The following RALGAPA2 variants were observed in gnomAD, a reference collection of about 807,000 sequenced individuals.
RALGAPA2 encodes the protein Ral GTPase activating protein catalytic subunit alpha 2.
A neutral mutation model predicts 230.4 loss-of-function variants in RALGAPA2; 139 were observed. That is an observed-to-expected ratio of 0.60 (90% confidence interval 0.53 to 0.69). RALGAPA2 has a LOEUF of 0.69. Ranked by LOEUF, RALGAPA2 falls within the 30% of genes least tolerant of loss-of-function variation. The pLI is 0.00. For missense variants in RALGAPA2, 2,163 were observed against 2,276.0 expected (o/e 0.95, Z 1.01); for synonymous variants, 847 against 837.8 (o/e 1.01, Z -0.19).
chr20:20,700,062 C>A (rs2069285063), intron 1 of RALGAPA2, among the ~76,000 whole-genome samples: 1 of 152,120 alleles, frequency 6.6e-6, no homozygotes, highest in African/African-American at 2.4e-5. Flanking sequence ...AACCTAACTG[C>A]CCATTAGTGG....
intron 24 of RALGAPA2, among the ~76,000 whole-genome samples, chr20:20,538,383 A>G (rs1486536278): frequency 1.3e-5 from 2 of 152,082 alleles, no homozygotes; most frequent in Admixed American, 1.3e-4. Flanking sequence ...TTGAGTAGGG[A>G]AGAGGAAGGT....
intron 16 of RALGAPA2, chr20:20,598,705 T>A (rs1239073496): frequency 4.4e-6 from 2 of 455,284 alleles, no homozygotes; most frequent in African/African-American, 4.0e-5. Flanking sequence ...GCAAGAAGAG[T>A]AAGAGAGACC....
chr20:20,682,643 G>A (rs1306360798), intron 1 of RALGAPA2, among the ~76,000 whole-genome samples: 1 of 152,032 alleles, frequency 6.6e-6, no homozygotes, highest in Non-Finnish European at 1.5e-5. Flanking sequence ...TAATTCTGAT[G>A]GAATAATCTG....
At chr20:20,500,005 G>A (rs558674257) in intron 35 of RALGAPA2, among the ~76,000 whole-genome samples, 2 of 152,272 alleles carry the variant, frequency 1.3e-5, no homozygotes, top group African/African-American at 4.8e-5. Context: ...GTTTACTATA[G>A]TCTATTAAAT....
At chr20:20,624,595 GA>G (rs1321250118) in intron 10 of RALGAPA2, among the ~76,000 whole-genome samples, 1 of 152,022 alleles carries the variant, frequency 6.6e-6, no homozygotes, top group South Asian at 2.1e-4. Flanking sequence ...ATAATAAGAT[GA>G]AATTAGTAAC....
At chr20:20,639,754 A>G in intron 7 of RALGAPA2, 31 bp downstream of exon 7, 1 of 1,400,438 alleles carries the variant, frequency 7.1e-7, no homozygotes, top group Non-Finnish European at 1.0e-6. Flanking sequence ...GAATAAACCC[A>G]TCACTGAAAT....
intron 18 of RALGAPA2, among the ~76,000 whole-genome samples, chr20:20,588,989 A>G (rs1338997586): frequency 6.6e-6 from 1 of 152,218 alleles, no homozygotes. Context: ...ACGTAGGTTT[A>G]ACAGGCAAAG....
intron 37 of RALGAPA2, among the ~76,000 whole-genome samples, chr20:20,438,588 C>A (rs2060664861): frequency 6.6e-6 from 1 of 152,154 alleles, no homozygotes; most frequent in Admixed American, 6.5e-5. Flanking sequence ...CCACCAGGGA[C>A]CACAGGCAGC....
chr20:20,470,064 T>TATA (rs1444394094), intron 37 of RALGAPA2, among the ~76,000 whole-genome samples: 4 of 152,262 alleles, frequency 2.6e-5, no homozygotes, highest in African/African-American at 9.6e-5. Flanking sequence ...TTTTTAATCA[T>TATA]ATAAGACAAT....
chr20:20,667,392 T>A (rs972489335), intron 3 of RALGAPA2, among the ~76,000 whole-genome samples: 5 of 152,044 alleles, frequency 3.3e-5, no homozygotes, highest in Non-Finnish European at 5.9e-5. Flanking sequence ...AAATTATGAA[T>A]CCCAAACATA....
intron 20 of RALGAPA2, among the ~76,000 whole-genome samples, chr20:20,581,730 T>A (rs1337621325): frequency 7.2e-5 from 11 of 152,204 alleles, no homozygotes; most frequent in Non-Finnish European, 8.8e-5. Context: ...CTTCATATGT[T>A]AATTTTATGA....
intron 23 of RALGAPA2, among the ~76,000 whole-genome samples, chr20:20,557,303 C>T (rs1021845025): frequency 2.6e-5 from 4 of 151,126 alleles, no homozygotes; most frequent in Admixed American, 6.6e-5. Flanking sequence ...AGTGATACTC[C>T]GTCTTAAAAA....
intron 37 of RALGAPA2, among the ~76,000 whole-genome samples, chr20:20,429,980 G>A (rs1030917872): frequency 6.6e-6 from 1 of 152,232 alleles, no homozygotes; most frequent in Non-Finnish European, 1.5e-5. Context: ...TATTTCATGT[G>A]TCATCACAGA....
chr20:20,670,932 A>G (rs1239661247), intron 3 of RALGAPA2, among the ~76,000 whole-genome samples: 1 of 150,134 alleles, frequency 6.7e-6, no homozygotes, highest in African/African-American at 2.5e-5. Flanking sequence ...CCTGGGCGAC[A>G]GAGCAAGACT....
intron 37 of RALGAPA2, among the ~76,000 whole-genome samples, chr20:20,464,477 G>GT (rs997371803): frequency 6.6e-6 from 1 of 152,138 alleles, no homozygotes; most frequent in Non-Finnish European, 1.5e-5. Context: ...TCTGACCCAG[G>GT]TCTAGAGAGT....
In RALGAPA2 at chr20:20,514,491, C is replaced by T. The variant is rs940809628; in HGVS notation, c.4085-1207G>A. Among the ~76,000 whole-genome samples the T allele has an allele frequency of 3.3e-5, 5 of 152,138 alleles. No individual in the cohort carries two copies. The East Asian group carries it at 7.7e-4, about 24-fold the overall frequency. ...CAGGGGAACCCTCTCCACTCCACAT[C>T]CAGATGGATCTCCAGGTATTCGGCA... is the stretch of plus-strand genomic sequence containing the variant. On this transcript the variant is annotated intron_variant, in intron 31 of 39. Transcript: ENST00000202677.
chr20:20,404,810 G>A (rs564205849), intron 38 of RALGAPA2, among the ~76,000 whole-genome samples: 50 of 152,248 alleles, frequency 3.3e-4, no homozygotes, highest in Middle Eastern at 6.8e-3. Context: ...AGAACCTAAC[G>A]CAGCATTTCA....
chr20:20,679,403 C>A (rs1054845034), intron 2 of RALGAPA2, among the ~76,000 whole-genome samples: 6 of 152,154 alleles, frequency 3.9e-5, no homozygotes, highest in African/African-American at 1.4e-4. Context: ...GCATCACCAT[C>A]CCTCAGATGA....
At chr20:20,458,822 CTATA>C (rs200288941) in intron 37 of RALGAPA2, among the ~76,000 whole-genome samples, 1,057 of 10,036 alleles carry the variant, frequency 0.11, no homozygotes, top group Admixed American at 0.14. Context: ...ATATATAGAC[CTATA>C]TATATATATA....
Sources: gnomAD v4.1 joint callset for allele counts (sites outside exome capture counted in the v4.1 genomes callset) on GRCh38, gnomAD v4.1.1 for gene constraint, MANE v1.5 for transcripts, NCBI Gene and HGNC (gene_info 2026-07-23, HGNC 2026-07-21) for gene names.